GDAP1L1: variants seen among roughly 807,000 people sequenced by gnomAD.
GDAP1L1 encodes ganglioside induced differentiation associated protein 1 like 1, also known as ganglioside-induced differentiation-associated protein 1-like 1.
GDAP1L1 carries 21 observed loss-of-function variants against 37.1 expected under a neutral mutation model. That is an observed-to-expected ratio of 0.57 (90% CI 0.40 to 0.81). GDAP1L1 has a LOEUF of 0.81. Among genes scored for constraint, GDAP1L1 ranks in the 40% least tolerant of loss-of-function variants. GDAP1L1 has a pLI of 0.00. For missense variants in GDAP1L1, 362 were observed against 491.6 expected, an observed-to-expected ratio of 0.74 and a Z score of 2.49; for synonymous variants, 193 against 209.1, an observed-to-expected ratio of 0.92 and a Z score of 0.67.
intron 2 of GDAP1L1, chr20:44,258,195 G>A (rs1024686726): frequency 2.4e-5 from 17 of 717,892 alleles, no homozygotes; most frequent in African/African-American, 1.4e-4. Flanking sequence ...CTAGGACCCC[G>A]CCTGGCAGCA....
Position 44,258,582 on chromosome 20 carries a change from C to T in GDAP1L1, c.522C>T (p.Pro174=), listed in dbSNP as rs1205414498. ...AGCTCACCACCGACTCCATGATCCCCAAGTACGCCACGGCCGAGATCCGCA... is the reference window on the plus strand; with the variant it reads ...AGCTCACCACCGACTCCATGATCCCTAAGTACGCCACGGCCGAGATCCGCA... ...HPELTTDSMI[P]KYATAEIRRH... is the part of the protein sequence containing the mutation. The change falls in exon 3 of 6, where the codon CCC becomes CCT. Residue 174 remains proline (P), a synonymous_variant. Coordinates refer to ENST00000342560, the MANE Select transcript of GDAP1L1 (RefSeq NM_024034.6). 1 of 1,602,222 alleles carries T rather than the reference C, an allele frequency of 6.2e-7. No individual in the cohort carries two copies. The highest frequency in any genetic ancestry group is 8.5e-7 in the Non-Finnish European group (1 of 1,175,268).
At chr20:44,264,327 T>C in intron 4 of GDAP1L1, 118 bp from the exon 5 acceptor site, 1 of 1,219,298 alleles carries the variant, frequency 8.2e-7, no homozygotes, top group African/African-American at 1.6e-5. Context: ...TCCTATACAC[T>C]TGGGGGGCAT....
chr20:44,268,025 G>A (rs1391504978), intron 5 of GDAP1L1, among the ~76,000 whole-genome samples: 1 of 152,240 alleles, frequency 6.6e-6, no homozygotes, highest in Non-Finnish European at 1.5e-5. Flanking sequence ...GATTTTAAAG[G>A]TCTGACTGGC....
intron 5 of GDAP1L1, among the ~76,000 whole-genome samples, chr20:44,274,925 C>T (rs1265682244): frequency 6.6e-6 from 1 of 152,182 alleles, no homozygotes. Flanking sequence ...GACAGGGTCT[C>T]TCTGTCACCC....
At chr20:44,274,887 G>C (rs1433021391) in intron 5 of GDAP1L1, among the ~76,000 whole-genome samples, 1 of 151,858 alleles carries the variant, frequency 6.6e-6, no homozygotes, top group East Asian at 1.9e-4. Flanking sequence ...TGTCTTCTTT[G>C]TTTGTTTGTT....
rs200684778 is a variant in GDAP1L1 at position 44,264,527 on chromosome 20, C to A, written c.728C>A (p.Ala243Glu). ...ELAMVLDQIE[A>E]ELEKRKLENE... is the part of the protein sequence containing the mutation. Reference sequence around the variant, plus strand: ...GCCATGGTGCTGGACCAGATTGAGGCGGAGCTGGAGAAGAGGAAGCTGGAG... The same window carrying A: ...GCCATGGTGCTGGACCAGATTGAGGAGGAGCTGGAGAAGAGGAAGCTGGAG... Residue 243 changes from alanine (A) to glutamate (E), a missense_variant, in exon 5 of 6, where the codon GCG becomes GAG. Around this residue, in one of 2 missense-constraint regions of GDAP1L1, gnomAD observed 277 missense variants for 337.1 expected, o/e 0.82. Coordinates refer to ENST00000342560, the MANE Select transcript of GDAP1L1 (RefSeq NM_024034.6). The A allele has an allele frequency of 1.9e-6, 3 of 1,604,342 alleles. No homozygotes were observed. The highest frequency in any genetic ancestry group is 1.3e-5 in the African/African-American group (1 of 74,580).
intron 4 of GDAP1L1, among the ~76,000 whole-genome samples, chr20:44,264,228 G>A (rs565017950): frequency 6.6e-6 from 1 of 152,174 alleles, no homozygotes; most frequent in South Asian, 2.1e-4. Context: ...GCATCTGGGT[G>A]TAAGAATGTA....
chr20:44,251,851 AAC>A (rs2073449880), intron 1 of GDAP1L1, among the ~76,000 whole-genome samples: 1 of 152,216 alleles, frequency 6.6e-6, no homozygotes, highest in South Asian at 2.1e-4. Flanking sequence ...TTAGAACGAA[AAC>A]CAATCGTATT....
chr20:44,276,454 A>AAGAAAGAAAGAAAGAAAGAAAG (rs1397475674), intron 5 of GDAP1L1, among the ~76,000 whole-genome samples: 17 of 150,322 alleles, frequency 1.1e-4, no homozygotes, highest in South Asian at 6.5e-4. Flanking sequence ...GAAAGAAAGA[A>AAGAAAGAAAGAAAGAAAGAAAG]AGAAAGAAAG....
intron 3 of GDAP1L1, among the ~76,000 whole-genome samples, chr20:44,259,298 T>C (rs1010869762): frequency 3.4e-4 from 51 of 152,232 alleles, no homozygotes; most frequent in Admixed American, 2.4e-3. Flanking sequence ...GATCCAGGCT[T>C]TGAACAAACA....
At position 44,258,559 on chromosome 20, in the gene GDAP1L1, C is replaced by G. The variant is rs1214404100; in HGVS notation, c.499C>G (p.Leu167Val). Residue 167 changes from leucine to valine, a missense_variant, in exon 3 of 6, where the codon CTC (leucine) becomes GTC (valine). By Grantham distance (32) the Leu-to-Val change is conservative. Around this residue, in one of 2 missense-constraint regions of GDAP1L1, gnomAD observed 277 missense variants for 337.1 expected, o/e 0.82. Coordinates refer to ENST00000342560, the MANE Select transcript of GDAP1L1 (RefSeq NM_024034.6). The stretch of plus-strand genomic sequence containing the variant: ...GCATGGCTGCATCCTGCATCCCGAG[C>G]TCACCACCGACTCCATGATCCCCAA... ...YTHGCILHPE[L>V]TTDSMIPKYA... The G allele has an allele frequency of 6.3e-7, 1 of 1,597,344 alleles. No individual in the cohort carries two copies. Among genetic ancestry groups the G allele is most frequent in the Non-Finnish European group, 8.5e-7 (1 of 1,172,870 alleles).
intron 4 of GDAP1L1, 66 bp downstream of exon 4, chr20:44,263,393 A>G: frequency 9.2e-7 from 1 of 1,083,000 alleles, no homozygotes; most frequent in East Asian, 2.4e-5. Flanking sequence ...GAACAATAGG[A>G]GAAACTAAGT....
At chr20:44,264,630 C>A (rs1201971626) in intron 5 of GDAP1L1, 71 bp downstream of exon 5, 1 of 1,553,740 alleles carries the variant, frequency 6.4e-7, no homozygotes, top group Non-Finnish European at 8.7e-7. Flanking sequence ...CCAGTCTCAG[C>A]CTCTTTTTTC....
At chr20:44,249,255 C>G (rs2073393918) in intron 1 of GDAP1L1, among the ~76,000 whole-genome samples, 1 of 152,104 alleles carries the variant, frequency 6.6e-6, no homozygotes, top group Non-Finnish European at 1.5e-5. Context: ...CCAGACTTGT[C>G]TCAAACTCCT....
intron 1 of GDAP1L1, among the ~76,000 whole-genome samples, chr20:44,250,062 A>G (rs531078443): frequency 3.3e-5 from 5 of 152,328 alleles, no homozygotes; most frequent in African/African-American, 1.2e-4. Flanking sequence ...GGCCTTAATT[A>G]TATAAAGAGG....
At position 44,279,143 on chromosome 20, in the gene GDAP1L1, G is replaced by A; in HGVS notation, c.947G>A (p.Gly316Asp). The change falls in exon 6 of 6, where the codon GGT becomes GAT. Residue 316 changes from glycine (G) to aspartate (D), a missense_variant. By Grantham distance (94) the Gly-to-Asp change is moderately conservative. Around this residue, in one of 2 missense-constraint regions of GDAP1L1, gnomAD observed 85 missense variants for 154.4 expected, o/e 0.55. Transcript: ENST00000342560. Reference sequence around the variant, plus strand: ...CGCTTTGCCTTCCGGAAAGTCCTGGGTGACATCCACACCACCCTGCTGTCG... The same window carrying A: ...CGCTTTGCCTTCCGGAAAGTCCTGGATGACATCCACACCACCCTGCTGTCG... ...QRRFAFRKVL[G>D]DIHTTLLSAV... The A allele has an allele frequency of 1.2e-6, 2 of 1,614,170 alleles. No individual in the cohort carries two copies. The highest frequency in any genetic ancestry group is 1.7e-6 in the Non-Finnish European group (2 of 1,180,026).
intron 1 of GDAP1L1, among the ~76,000 whole-genome samples, 197 bp from the exon 2 acceptor site, chr20:44,256,956 C>G (rs2073560234): frequency 6.6e-6 from 1 of 152,182 alleles, no homozygotes; most frequent in Non-Finnish European, 1.5e-5. Flanking sequence ...CCAAGCAGAA[C>G]TGCGCTCCTC....
chr20:44,262,140 G>C (rs1046803972), intron 3 of GDAP1L1, among the ~76,000 whole-genome samples: 7 of 152,134 alleles, frequency 4.6e-5, no homozygotes, highest in South Asian at 2.1e-4. Flanking sequence ...GTTTTAAACA[G>C]AGTGGCATGG....
In GDAP1L1 at chr20:44,264,552, G is replaced by T. The variant is rs1479811953; in HGVS notation, c.753G>T (p.Glu251Asp). 6.2e-7 allele frequency: 1 copy of T among 1,610,620 alleles called. No homozygotes were observed. The highest frequency in any genetic ancestry group is 1.7e-5 in the Admixed American group (1 of 59,690). The change falls in exon 5 of 6, where the codon GAG (glutamate) becomes GAT (aspartate). Residue 251 changes from glutamate to aspartate, a missense_variant. Physicochemically the swap from Glu to Asp is conservative, Grantham distance 45. Transcript: ENST00000342560. ...IEAELEKRKL[E>D]NEGQKCELWL... The stretch of plus-strand genomic sequence containing the variant: ...CGGAGCTGGAGAAGAGGAAGCTGGA[G>T]AACGAGGGTGGGTGCCAGCCCTGGG...
Sources: allele counts gnomAD v4.1 joint callset (sites outside exome capture counted in the v4.1 genomes callset), GRCh38; gene constraint gnomAD v4.1.1; regional missense constraint gnomAD v4.1.1; transcripts MANE v1.5; gene names NCBI Gene and HGNC (gene_info 2026-07-23, HGNC 2026-07-21).